CLDN18: variants seen among roughly 807,000 people sequenced by gnomAD.
The protein encoded by CLDN18 is claudin-18.
CLDN18 carries 20 observed loss-of-function variants against 25.0 expected under a neutral mutation model. The ratio of observed to expected loss-of-function variants is 0.80; its 90% confidence interval spans 0.56 to 1.16. The LOEUF (loss-of-function observed/expected upper bound fraction) is 1.16, where lower values mean the gene tolerates loss of function less well. CLDN18 is among the 50% of genes most tolerant of loss of function. The pLI, the probability that CLDN18 is intolerant of heterozygous loss-of-function variation, is 0.00. For synonymous variants in CLDN18, 125 were observed against 135.6 expected (o/e 0.92, Z 0.54); for missense variants, 297 against 345.4 (o/e 0.86, Z 1.11).
chr3:138,026,481 A>G (rs1293097531), intron 3 of CLDN18, among the ~76,000 whole-genome samples: 1 of 152,092 alleles, frequency 6.6e-6, no homozygotes, highest in East Asian at 1.9e-4. Flanking sequence ...CCCCATCTCT[A>G]CTGAAAATAC....
chr3:138,004,396 G>C (rs893626999), intron 1 of CLDN18, among the ~76,000 whole-genome samples: 1 of 151,976 alleles, frequency 6.6e-6, no homozygotes, highest in South Asian at 2.1e-4. Context: ...ATACCGGCAA[G>C]AGTTTCCCCA....
At position 138,016,718 on chromosome 3, in the gene CLDN18, C is replaced by T. The variant is rs538033980; in HGVS notation, c.220+6273C>T. 1.4e-3 allele frequency among the ~76,000 whole-genome samples: 207 copies of T among 152,270 alleles called. 1 individual carries two copies. The highest frequency in any genetic ancestry group is 2.5e-3 in the Non-Finnish European group (172 of 68,028). The stretch of plus-strand genomic sequence containing the variant: ...TTTGGCCACCTACATATCTGGACCT[C>T]ACTTTCCCCATTTGTGAAATGCCTC... On this transcript the variant is annotated intron_variant, in intron 1 of 4. Coordinates refer to ENST00000183605, the MANE Select transcript of CLDN18 (RefSeq NM_016369.4).
intron 3 of CLDN18, among the ~76,000 whole-genome samples, chr3:138,026,229 G>T (rs1019617337): frequency 6.6e-6 from 1 of 152,218 alleles, no homozygotes; most frequent in Non-Finnish European, 1.5e-5. Context: ...GTATGTAACA[G>T]TGGCAGAGCC....
chr3:138,007,353 C>A (rs1559803591), upstream of CLDN18, among the ~76,000 whole-genome samples: 1 of 152,148 alleles, frequency 6.6e-6, no homozygotes, highest in Non-Finnish European at 1.5e-5. Context: ...CCATAGAATA[C>A]TATGCAGCCA....
chr3:138,019,066 C>T (rs1942242128), intron 1 of CLDN18, among the ~76,000 whole-genome samples: 1 of 152,200 alleles, frequency 6.6e-6, no homozygotes, highest in Non-Finnish European at 1.5e-5. Flanking sequence ...CCAAGGGATA[C>T]GTTGTTTTTA....
intron 1 of CLDN18, among the ~76,000 whole-genome samples, chr3:138,000,308 A>G (rs888604258): frequency 1.3e-5 from 2 of 152,212 alleles, no homozygotes; most frequent in Non-Finnish European, 2.9e-5. Context: ...ATCAAGGTAG[A>G]AAAACCACAA....
chr3:138,024,758 T>A (rs751725850), intron 3 of CLDN18, 34 bp downstream of exon 3: 2 of 1,193,544 alleles, frequency 1.7e-6, no homozygotes, highest in South Asian at 2.5e-5. Context: ...GCATTCACCA[T>A]GATGAATATT....
At chr3:138,023,967 G>GTTTT in intron 2 of CLDN18, 145 bp downstream of exon 2, 1 of 819,142 alleles carries the variant, frequency 1.2e-6, no homozygotes, top group Admixed American at 2.8e-5. Context: ...AGGTCCAATT[G>GTTTT]TGTATCATGA....
chr3:138,029,971 ACTTGCAGCC>A lies in CLDN18; in HGVS notation c.614+65_614+73del. On this transcript the variant is annotated intron_variant, in intron 4 of 4. Coordinates refer to ENST00000183605, the MANE Select transcript of CLDN18 (RefSeq NM_016369.4). Reference sequence around the variant, plus strand: ...TGTTCAGGGTCTATTTTAATGTATAACTTGCAGCCAAAAAAAAAATCAGTCTAGGTATAT... The same window carrying A: ...TGTTCAGGGTCTATTTTAATGTATAAAAAAAAAAAATCAGTCTAGGTATAT... The A allele has an allele frequency of 1.1e-5, 11 of 1,030,786 alleles. No individual in the cohort carries two copies. The Admixed American group carries it at 1.5e-4, about 14-fold the overall frequency. The allele number at this position is 1,030,786 out of a possible 1,614,324, so 63.9% of individuals were successfully genotyped here. A position where few individuals can be genotyped will look rare whatever the true frequency, so the allele number is the denominator to read the frequency against.
In CLDN18 at chr3:138,029,801, A is replaced by T; in HGVS notation, c.508A>T (p.Thr170Ser). 6.4e-7 allele frequency: 1 copy of T among 1,560,512 alleles called. No homozygotes were observed. Among genetic ancestry groups the T allele is most frequent in the Non-Finnish European group, 8.7e-7 (1 of 1,153,712 alleles). The stretch of plus-strand genomic sequence containing the variant: ...AGCCACCATCTCCCTACCCAGGTAC[A>T]CATTTGGTGCGGCTCTGTTCGTGGG... ...GMVQTVQTRY[T>S]FGAALFVGWV... The change falls in exon 4 of 5, where the codon ACA becomes TCA. Residue 170 changes from threonine (T) to serine (S), a missense_variant. By Grantham distance (58) the Thr-to-Ser change is moderately conservative. Coordinates refer to ENST00000183605, the MANE Select transcript of CLDN18 (RefSeq NM_016369.4).
chr3:138,010,241 T>G lies in CLDN18; in HGVS notation c.16T>G (p.Cys6Gly), dbSNP rs775529414. Reference sequence around the variant, plus strand: ...GGCCAGGATCATGTCCACCACCACATGCCAAGTGGTGGCGTTCCTCCTGTC... The same window carrying G: ...GGCCAGGATCATGTCCACCACCACAGGCCAAGTGGTGGCGTTCCTCCTGTC... MSTTT[C>G]QVVAFLLSIL... Residue 6 changes from cysteine (C) to glycine (G), a missense_variant, in exon 1 of 5, where the codon TGC becomes GGC. By Grantham distance (159) the Cys-to-Gly change is radical. Transcript: ENST00000183605. 1 of 1,613,378 alleles carries G rather than the reference T, an allele frequency of 6.2e-7. No homozygotes were observed. The highest frequency in any genetic ancestry group is 8.5e-7 in the Non-Finnish European group (1 of 1,179,772).
chr3:137,999,101 TG>T, intron 1 of CLDN18: 1 of 1,611,708 alleles, frequency 6.2e-7, no homozygotes. Flanking sequence ...AAGGGCCAGG[TG>T]TCTGGCTGGC....
At chr3:138,026,551 A>G (rs1942329688) in intron 3 of CLDN18, among the ~76,000 whole-genome samples, 1 of 152,180 alleles carries the variant, frequency 6.6e-6, no homozygotes, top group South Asian at 2.1e-4. Context: ...AGACTGAGGC[A>G]GGAGAATCAC....
At chr3:138,030,339 G>A (rs888369655) in intron 4 of CLDN18, among the ~76,000 whole-genome samples, 1 of 152,246 alleles carries the variant, frequency 6.6e-6, no homozygotes, top group Non-Finnish European at 1.5e-5. Context: ...CCACAGCAAA[G>A]AAGCATCTGT....
intron 1 of CLDN18, chr3:138,004,860 A>T (rs553645404): frequency 6.6e-6 from 1 of 152,036 alleles, no homozygotes; most frequent in African/African-American, 2.4e-5. Flanking sequence ...TTCTCTAAGC[A>T]TAGAAATAGT....
At chr3:138,002,437 G>A (rs1942029107) in intron 1 of CLDN18, among the ~76,000 whole-genome samples, 1 of 152,212 alleles carries the variant, frequency 6.6e-6, no homozygotes, top group Non-Finnish European at 1.5e-5. Context: ...TGAGTTTGGA[G>A]TTCCCCCAAT....
upstream of CLDN18, among the ~76,000 whole-genome samples, chr3:138,008,636 T>C (rs934062540): frequency 5.3e-5 from 8 of 150,174 alleles, no homozygotes; most frequent in Admixed American, 4.0e-4. Flanking sequence ...AAACAAAATA[T>C]ATCTGGAAGC....
intron 1 of CLDN18, among the ~76,000 whole-genome samples, chr3:138,000,898 A>C (rs988441806): frequency 4.6e-5 from 7 of 152,268 alleles, no homozygotes; most frequent in Admixed American, 2.0e-4. Context: ...ATGCAGTTAC[A>C]GGCCATAGTG....
At chr3:138,023,876 C>A in intron 2 of CLDN18, 54 bp downstream of exon 2, 1 of 1,555,702 alleles carries the variant, frequency 6.4e-7, no homozygotes, top group Non-Finnish European at 8.8e-7. Flanking sequence ...CAAAATTATT[C>A]TGGTAGAGAA....
Sources: gnomAD v4.1 joint callset for allele counts (sites outside exome capture counted in the v4.1 genomes callset) on GRCh38, gnomAD v4.1.1 for gene constraint, MANE v1.5 for transcripts, NCBI Gene and HGNC (gene_info 2026-07-23, HGNC 2026-07-21) for gene names.